GPR39: variants seen among roughly 807,000 people sequenced by gnomAD.
The protein encoded by GPR39 is G protein-coupled receptor 39, also known as zinc sensing receptor.
In GPR39, 23 loss-of-function variants were observed where a neutral mutation model predicts 18.4. The ratio of observed to expected loss-of-function variants is 1.25; its 90% CI spans 0.90 to 1.77. The LOEUF (loss-of-function observed/expected upper bound fraction) is 1.77, where lower values mean the gene tolerates loss of function less well. Ranked by LOEUF, GPR39 falls within the 40% of genes most tolerant of loss-of-function variation. The pLI, the probability that GPR39 is intolerant of heterozygous loss-of-function variation, is 0.00. For synonymous variants in GPR39, 280 were observed against 257.9 expected (o/e 1.09, Z -0.82); for missense variants, 647 against 602.4 (o/e 1.07, Z -0.78).
chr2:132,628,929 C>T (rs770350166), intron 1 of GPR39, among the ~76,000 whole-genome samples: 19 of 152,166 alleles, frequency 1.2e-4, no homozygotes, highest in Non-Finnish European at 1.9e-4. Flanking sequence ...ACAGCCCTTG[C>T]CTTCCAAGTG....
intron 1 of GPR39, among the ~76,000 whole-genome samples, chr2:132,601,934 A>C (rs1168061205): frequency 1.3e-5 from 2 of 152,236 alleles, no homozygotes; most frequent in Non-Finnish European, 2.9e-5. Flanking sequence ...AAGATAACCC[A>C]TGCTCATGGA....
intron 1 of GPR39, among the ~76,000 whole-genome samples, chr2:132,519,699 C>G (rs1043653998): frequency 1.1e-4 from 16 of 152,280 alleles, no homozygotes; most frequent in African/African-American, 3.9e-4. Context: ...TATTACCACT[C>G]CAATGGATGC....
chr2:132,591,078 C>T (rs564712572), intron 1 of GPR39, among the ~76,000 whole-genome samples: 1 of 149,598 alleles, frequency 6.7e-6, no homozygotes. Flanking sequence ...GGTGAAACCC[C>T]GTCTCTACTA....
At chr2:132,634,164 A>G (rs1681705957) in intron 1 of GPR39, among the ~76,000 whole-genome samples, 1 of 151,854 alleles carries the variant, frequency 6.6e-6, no homozygotes, top group Admixed American at 6.6e-5. Context: ...GGTAAGAAAG[A>G]TGGTGGTAGT....
intron 1 of GPR39, among the ~76,000 whole-genome samples, chr2:132,446,171 A>C (rs937107419): frequency 1.1e-4 from 16 of 152,228 alleles, no homozygotes; most frequent in Non-Finnish European, 1.8e-4. Context: ...AGGGCAATCT[A>C]CATTTTTATT....
intron 1 of GPR39, among the ~76,000 whole-genome samples, chr2:132,534,148 A>C (rs1299998015): frequency 6.6e-6 from 1 of 152,242 alleles, no homozygotes; most frequent in African/African-American, 2.4e-5. Context: ...ATTTACAAGA[A>C]AAAAACAACC....
intron 1 of GPR39, among the ~76,000 whole-genome samples, chr2:132,481,659 T>C (rs1038046517): frequency 3.9e-5 from 6 of 152,246 alleles, no homozygotes; most frequent in Non-Finnish European, 8.8e-5. Flanking sequence ...AAGACTCAGA[T>C]ACTTAGAAAA....
chr2:132,505,673 T>G (rs921315375), intron 1 of GPR39, among the ~76,000 whole-genome samples: 2 of 152,222 alleles, frequency 1.3e-5, no homozygotes, highest in Non-Finnish European at 2.9e-5. Context: ...TGTGCCTGAC[T>G]TATTTCACTT....
At chr2:132,488,784 C>G (rs1019376250) in intron 1 of GPR39, 3 of 164,642 alleles carry the variant, frequency 1.8e-5, no homozygotes, top group Non-Finnish European at 4.1e-5. Context: ...GAACCGTGGT[C>G]TCTAGCCCCA....
intron 1 of GPR39, among the ~76,000 whole-genome samples, chr2:132,594,809 T>C (rs1680907902): frequency 1.3e-5 from 2 of 151,902 alleles, no homozygotes; most frequent in South Asian, 4.2e-4. Context: ...CTTGGGAGAG[T>C]TACTTCGCCA....
At chr2:132,434,954 G>A (rs141676344) in intron 1 of GPR39, among the ~76,000 whole-genome samples, 1 of 152,120 alleles carries the variant, frequency 6.6e-6, no homozygotes, top group African/African-American at 2.4e-5. Flanking sequence ...CCAAATCAAC[G>A]CCAGATGACG....
intron 1 of GPR39, among the ~76,000 whole-genome samples, chr2:132,572,898 C>T (rs1422333261): frequency 6.6e-6 from 1 of 152,168 alleles, no homozygotes; most frequent in Non-Finnish European, 1.5e-5. Context: ...ACTGTTATGG[C>T]CAGGACTGGT....
At chr2:132,500,581 T>C (rs1236211509) in intron 1 of GPR39, among the ~76,000 whole-genome samples, 26 of 152,214 alleles carry the variant, frequency 1.7e-4, no homozygotes, top group Non-Finnish European at 2.8e-4. Context: ...ATTAGGGTGA[T>C]ACTGGCTTTG....
chr2:132,534,442 G>T (rs1395478202), intron 1 of GPR39, among the ~76,000 whole-genome samples: 1 of 148,892 alleles, frequency 6.7e-6, no homozygotes, highest in Non-Finnish European at 1.5e-5. Flanking sequence ...AATTCCTCAG[G>T]GATCTAGAAC....
At position 132,620,597 on chromosome 2, in the gene GPR39, A is replaced by G. The variant is rs141653262; in HGVS notation, c.857-24504A>G. Among the ~76,000 whole-genome samples the G allele has an allele frequency of 5.1e-3, 771 of 152,166 alleles. 5 individuals carry two copies. The highest frequency in any genetic ancestry group is 0.018 in the African/African-American group (729 of 41,506). ...TAGGCAGGGAAGGCCTGGCATGAGG[A>G]GTCCTGTGTCTACAAGTTGTCTTCC... On this transcript the variant is annotated intron_variant, in intron 1 of 1. Coordinates refer to ENST00000329321, the MANE Select transcript of GPR39 (RefSeq NM_001508.3).
chr2:132,518,343 C>G (rs1679368825), intron 1 of GPR39, among the ~76,000 whole-genome samples: 1 of 152,184 alleles, frequency 6.6e-6, no homozygotes, highest in Non-Finnish European at 1.5e-5. Flanking sequence ...CAATCAAGCT[C>G]AAATTAATTT....
intron 1 of GPR39, among the ~76,000 whole-genome samples, chr2:132,422,397 A>G (rs763934392): frequency 1.3e-5 from 2 of 152,314 alleles, no homozygotes; most frequent in South Asian, 4.1e-4. Flanking sequence ...TTAAAAACCA[A>G]TCCCTATACT....
At chr2:132,482,521 C>T (rs754431118) in intron 1 of GPR39, among the ~76,000 whole-genome samples, 4 of 152,102 alleles carry the variant, frequency 2.6e-5, no homozygotes, top group Admixed American at 1.3e-4. Context: ...TACCACATTA[C>T]GTGGATCAAA....
intron 1 of GPR39, among the ~76,000 whole-genome samples, chr2:132,456,950 A>T (rs4954325): frequency 6.6e-6 from 1 of 151,960 alleles, no homozygotes; most frequent in Middle Eastern, 3.4e-3. Context: ...TCTGACAATT[A>T]TGTGTCTTGG....
Sources: gnomAD v4.1 joint callset for allele counts (sites outside exome capture counted in the v4.1 genomes callset) on GRCh38, gnomAD v4.1.1 for gene constraint, MANE v1.5 for transcripts, NCBI Gene and HGNC (gene_info 2026-07-23, HGNC 2026-07-21) for gene names.